Variants in NUSAP1 observed in about 807,000 individuals in gnomAD.
NUSAP1 encodes the protein nucleolar and spindle-associated protein 1.
A neutral mutation model predicts 52.8 loss-of-function variants in NUSAP1; 32 were observed. The ratio of observed to expected loss-of-function variants is 0.61; its 90% CI spans 0.46 to 0.81. The LOEUF (loss-of-function observed/expected upper bound fraction) is 0.81, where lower values mean the gene tolerates loss of function less well. NUSAP1 is among the 40% of genes least tolerant of loss of function. NUSAP1 has a pLI of 0.00. For synonymous variants in NUSAP1, 195 were observed against 183.1 expected (o/e 1.06, Z -0.52); for missense variants, 499 against 522.3 (o/e 0.96, Z 0.43).
intron 4 of NUSAP1, among the ~76,000 whole-genome samples, 181 bp from the exon 5 acceptor site, chr15:41,355,858 A>AG (rs2048948160): frequency 6.6e-6 from 1 of 151,260 alleles, no homozygotes; most frequent in South Asian, 2.1e-4. Flanking sequence ...TTGTATTTTT[A>AG]GTAGAGATGG....
Position 41,333,041 on chromosome 15 carries a change from C to T in NUSAP1, c.84C>T (p.Ala28=), listed in dbSNP as rs1386323491. The part of the protein sequence containing the change: ...QNLAKSLGLR[A]NLRATKLLKA... ...TAGCCAAGAGTCTGGGTCTCCGGGC[C>T]AACCTGAGGGTACGGCGCTGGCGGT... Residue 28 remains alanine, a synonymous_variant, in exon 1 of 11, where the codon GCC becomes GCT. Coordinates refer to ENST00000559596, the MANE Select transcript of NUSAP1 (RefSeq NM_016359.5). The T allele has an allele frequency of 1.2e-6, 2 of 1,609,700 alleles. No homozygotes were observed. The highest frequency in any genetic ancestry group is 2.2e-5 in the East Asian group (1 of 44,734).
chr15:41,357,724 GT>G (rs56287157), intron 5 of NUSAP1, among the ~76,000 whole-genome samples: 56,886 of 151,912 alleles, frequency 0.37, 11,588 homozygotes, highest in African/African-American at 0.55. Context: ...GATTACAGGT[GT>G]TGAGCCACCA....
intron 1 of NUSAP1, among the ~76,000 whole-genome samples, chr15:41,339,320 A>G (rs1352135104): frequency 6.6e-6 from 1 of 152,150 alleles, no homozygotes; most frequent in Non-Finnish European, 1.5e-5. Context: ...AGAATTATAT[A>G]TTAATATAGA....
intron 2 of NUSAP1, chr15:41,345,736 G>A (rs1240673094): frequency 8.1e-6 from 2 of 245,424 alleles, no homozygotes; most frequent in Non-Finnish European, 1.6e-5. Context: ...GGGATTCCAG[G>A]GGTGAGCCAC....
At chr15:41,336,586 C>T (rs1221742611) in intron 1 of NUSAP1, among the ~76,000 whole-genome samples, 2 of 150,694 alleles carry the variant, frequency 1.3e-5, no homozygotes, top group Admixed American at 6.6e-5. Context: ...CTTTGTTGAG[C>T]GAACTTATTT....
chr15:41,357,235 G>A (rs1806747403), intron 5 of NUSAP1, among the ~76,000 whole-genome samples: 1 of 151,870 alleles, frequency 6.6e-6, no homozygotes, highest in African/African-American at 2.4e-5. Context: ...AGGTGTGGCG[G>A]CAGGTGCCTT....
intron 6 of NUSAP1, among the ~76,000 whole-genome samples, chr15:41,364,986 A>G (rs1425502120): frequency 2.0e-5 from 3 of 152,212 alleles, no homozygotes; most frequent in Non-Finnish European, 4.4e-5. Context: ...CCCCATAGCA[A>G]TAAATGGCAG....
chr15:41,348,139 A>G (rs973324802), intron 2 of NUSAP1, among the ~76,000 whole-genome samples: 8 of 152,142 alleles, frequency 5.3e-5, no homozygotes, highest in African/African-American at 1.4e-4. Context: ...AGAAAGAAAG[A>G]AAGAAAAAGA....
At chr15:41,357,600 C>T (rs1351138094) in intron 5 of NUSAP1, among the ~76,000 whole-genome samples, 3 of 151,826 alleles carry the variant, frequency 2.0e-5, no homozygotes, top group African/African-American at 7.3e-5. Flanking sequence ...TGCGCCACCA[C>T]ACCTGGCTAA....
intron 1 of NUSAP1, among the ~76,000 whole-genome samples, chr15:41,336,893 T>C (rs1055539256): frequency 6.6e-6 from 1 of 150,920 alleles, no homozygotes; most frequent in African/African-American, 2.4e-5. Flanking sequence ...TTCCCTTCCC[T>C]CCCTTGATGA....
chr15:41,380,199 A>G lies in NUSAP1; in HGVS notation c.*13A>G. On this transcript the variant is annotated 3_prime_UTR_variant, in exon 11 of 11. Coordinates refer to ENST00000559596, the MANE Select transcript of NUSAP1 (RefSeq NM_016359.5). ...GGCTGAAGATTAATAATTTTTTAAC[A>G]TCTTGTAAATATTCCTGTATTCTCA... is the stretch of plus-strand genomic sequence containing the variant. 2 of 1,527,036 alleles carry G rather than the reference A, an allele frequency of 1.3e-6. No individual in the cohort carries two copies. The allele number at this position is 1,527,036 out of a possible 1,614,324, so 94.6% of individuals were successfully genotyped here. A position where few individuals can be genotyped will look rare whatever the true frequency, so the allele number is the denominator to read the frequency against.
rs2140846325 is a variant in NUSAP1, at chr15:41,373,516, C to G, written c.1006+1832C>G. On this transcript the variant is annotated intron_variant, in intron 8 of 10. Coordinates refer to ENST00000559596, the MANE Select transcript of NUSAP1 (RefSeq NM_016359.5). ...CCAGGCTGGAGTGCAGTGGCACCAT[C>G]TTGGCTCACTGCAACCTCCGCCTCC... Among the ~76,000 whole-genome samples, 3 of 139,942 alleles carry G rather than the reference C, an allele frequency of 2.1e-5. No homozygotes were observed. In the East Asian group the frequency reaches 6.5e-4, roughly 30 times the overall value. The allele number at this position is 139,942 out of a possible 152,430, so 91.8% of individuals were successfully genotyped here.
At chr15:41,348,232 C>G (rs1479578732) in intron 2 of NUSAP1, among the ~76,000 whole-genome samples, 3 of 152,208 alleles carry the variant, frequency 2.0e-5, no homozygotes, top group African/African-American at 7.2e-5. Context: ...GCACTTGCCA[C>G]CACGCCTGGC....
At chr15:41,367,540 A>C (rs2049470072) in intron 7 of NUSAP1, among the ~76,000 whole-genome samples, 1 of 152,100 alleles carries the variant, frequency 6.6e-6, no homozygotes, top group South Asian at 2.1e-4. Flanking sequence ...CTCTGGTCTG[A>C]AGATGGTTCT....
chr15:41,367,899 C>T (rs1484436472), intron 7 of NUSAP1, among the ~76,000 whole-genome samples: 2 of 152,124 alleles, frequency 1.3e-5, no homozygotes, highest in Admixed American at 6.6e-5. Flanking sequence ...TCCCCTGATG[C>T]ACTCCAGTGC....
chr15:41,368,262 C>T (rs982773011), intron 7 of NUSAP1, among the ~76,000 whole-genome samples: 1 of 152,096 alleles, frequency 6.6e-6, no homozygotes, highest in Non-Finnish European at 1.5e-5. Context: ...AAGCGATCCT[C>T]CTGCCTCAGC....
At chr15:41,369,030 G>A (rs554420519) in intron 7 of NUSAP1, among the ~76,000 whole-genome samples, 1 of 151,314 alleles carries the variant, frequency 6.6e-6, no homozygotes, top group African/African-American at 2.4e-5. Flanking sequence ...GGGATTACAG[G>A]TGTGAACCAC....
rs372019574 is a variant in NUSAP1 at position 41,365,476 on chromosome 15, C to T, written c.735C>T (p.Pro245=). The change falls in exon 7 of 11, where the codon CCC becomes CCT. Residue 245 remains proline (P), a synonymous_variant. Transcript: ENST00000559596. Reference sequence around the variant, plus strand: ...GAAGACTCTCTGTGGCTTCTACTCCCATCAGCCAACGACGCTCGCAAGGCC... The same window carrying T: ...GAAGACTCTCTGTGGCTTCTACTCCTATCAGCCAACGACGCTCGCAAGGCC... ...PRGRLSVAST[P]ISQRRSQGRS... The T allele has an allele frequency of 3.5e-5, 56 of 1,612,638 alleles. No homozygotes were observed. The highest frequency in any genetic ancestry group is 6.7e-5 in the Admixed American group (4 of 59,780).
Position 41,380,503 on chromosome 15 carries a change from C to A in NUSAP1, c.*317C>A. 4.6e-6 allele frequency: 1 copy of A among 217,594 alleles called. No homozygotes were observed. Among genetic ancestry groups the A allele is most frequent in the Non-Finnish European group, 9.2e-6 (1 of 108,402 alleles). 13.5% of individuals were successfully genotyped at this position (217,594 alleles called of 1,614,324 possible). ...TTCCCCCTGCTGGTTCTAATATTAA[C>A]AGAACTGCAGTCTTCTGCTAGCCAA... On this transcript the variant is annotated 3_prime_UTR_variant, in exon 11 of 11. Transcript: ENST00000559596.
Sources: allele counts gnomAD v4.1 joint callset (sites outside exome capture counted in the v4.1 genomes callset), GRCh38; gene constraint gnomAD v4.1.1; transcripts MANE v1.5; gene names NCBI Gene and HGNC (gene_info 2026-07-23, HGNC 2026-07-21).